The following ADCY5 variants were observed in gnomAD, a reference collection of about 807,000 sequenced individuals.
The protein encoded by ADCY5 is adenylate cyclase 5.
Under a neutral mutation model 119.7 loss-of-function variants are expected in ADCY5, and 30 were observed. The observed-to-expected ratio is 0.25, with a 90% CI of 0.19 to 0.34. The LOEUF (loss-of-function observed/expected upper bound fraction) is 0.34, where lower values mean the gene tolerates loss of function less well. Ranked by LOEUF, ADCY5 falls within the 10% of genes least tolerant of loss-of-function variation. The pLI is 1.00. For synonymous variants in ADCY5, 753 were observed against 762.2 expected, an observed-to-expected ratio of 0.99 and a Z score of 0.20; for missense variants, 1,324 against 1,775.2, an observed-to-expected ratio of 0.75 and a Z score of 4.57.
rs1038313845 is a variant in ADCY5 at position 123,325,422 on chromosome 3, C to T, written c.1988G>A (p.Arg663Lys). ...TGGGTTGTGCCCGATGGAGTTGGTT[C>T]TCTGGCGGTTCATCTTGGCGATCAT... The part of the protein sequence containing the change: ...KAMIAKMNRQ[R>K]TNSIGHNPPH... Residue 663 changes from arginine (R) to lysine (K), a missense_variant, in exon 8 of 21, where the codon AGA (arginine) becomes AAA (lysine). Physicochemically the swap from Arg to Lys is conservative, Grantham distance 26. Around this residue, in one of 6 missense-constraint regions of ADCY5, gnomAD observed 424 missense variants for 546.8 expected, o/e 0.78. Transcript: ENST00000462833. 6.2e-7 allele frequency: 1 copy of T among 1,614,200 alleles called. No homozygotes were observed. The highest frequency in any genetic ancestry group is 1.3e-5 in the African/African-American group (1 of 75,066).
chr3:123,330,380 G>C (rs1376053843), intron 5 of ADCY5, among the ~76,000 whole-genome samples: 1 of 152,236 alleles, frequency 6.6e-6, no homozygotes, highest in Admixed American at 6.5e-5. Context: ...TGGCCAAAGT[G>C]CCTTTTTGCT....
chr3:123,367,990 T>C, intron 1 of ADCY5: 9 of 1,514,156 alleles, frequency 5.9e-6, no homozygotes, highest in Non-Finnish European at 7.9e-6. Context: ...GGCTGCCCTG[T>C]GGGGATGGAG....
chr3:123,410,341 TC>T (rs1390059068), intron 1 of ADCY5, among the ~76,000 whole-genome samples: 1 of 145,654 alleles, frequency 6.9e-6, no homozygotes, highest in Admixed American at 6.8e-5. Flanking sequence ...CCAACCCTTA[TC>T]CCCCAATTCC....
chr3:123,426,044 G>A (rs1442625239), intron 1 of ADCY5, among the ~76,000 whole-genome samples: 1 of 152,186 alleles, frequency 6.6e-6, no homozygotes, highest in African/African-American at 2.4e-5. Context: ...GTCATTTATT[G>A]AGGGCTTTGT....
intron 1 of ADCY5, among the ~76,000 whole-genome samples, chr3:123,427,942 G>A (rs544708394): frequency 6.6e-6 from 1 of 152,340 alleles, no homozygotes; most frequent in East Asian, 1.9e-4. Flanking sequence ...TAGGCAAAGA[G>A]AGAACTGATA....
intron 1 of ADCY5, among the ~76,000 whole-genome samples, chr3:123,401,990 C>T (rs1211182051): frequency 1.3e-5 from 2 of 152,190 alleles, no homozygotes; most frequent in Non-Finnish European, 2.9e-5. Flanking sequence ...AGGACAGGGT[C>T]ACATGGACAA....
At chr3:123,297,184 C>G in intron 16 of ADCY5, 169 bp downstream of exon 16, 2 of 1,335,656 alleles carry the variant, frequency 1.5e-6, no homozygotes, top group South Asian at 1.2e-5. Context: ...CCTCTGCCCC[C>G]CGAGGACGCC....
intron 1 of ADCY5, among the ~76,000 whole-genome samples, chr3:123,436,826 G>A (rs114552714): frequency 1.3e-5 from 2 of 152,182 alleles, no homozygotes; most frequent in Non-Finnish European, 2.9e-5. Flanking sequence ...AAATGGAAGA[G>A]AGAGGCCCAA....
At chr3:123,377,153 G>A (rs4467388) in intron 1 of ADCY5, among the ~76,000 whole-genome samples, 65,335 of 152,048 alleles carry the variant, frequency 0.43, 15,859 homozygotes, top group East Asian at 0.7. Flanking sequence ...AACACACATC[G>A]GATCATGTAA....
rs151066990 is a variant in ADCY5, at chr3:123,386,704, C to T, written c.1135-34123G>A. Among the ~76,000 whole-genome samples, 109 of 152,240 alleles carry T rather than the reference C, an allele frequency of 7.2e-4. No individual in the cohort carries two copies. In the East Asian group the frequency reaches 8.7e-3, roughly 12 times the overall value. ...CACCCTCCTTGGGCAGTTTCAAGGA[C>T]GTCCAGGAAACACCCCTGACCAGTC... On this transcript the variant is annotated intron_variant, in intron 1 of 20. Transcript: ENST00000462833.
intron 12 of ADCY5, among the ~76,000 whole-genome samples, chr3:123,308,213 A>G (rs1343783772): frequency 2.0e-5 from 3 of 150,132 alleles, no homozygotes; most frequent in Non-Finnish European, 4.4e-5. Flanking sequence ...TTGTTTTTGT[A>G]TTTTCAGTAC....
At chr3:123,356,617 C>G (rs80042091) in intron 1 of ADCY5, among the ~76,000 whole-genome samples, 2,044 of 152,228 alleles carry the variant, frequency 0.013, 40 homozygotes, top group African/African-American at 0.046. Context: ...ATTTTTAAAA[C>G]AATGAGTACT....
rs1367132303 is a variant in ADCY5 at position 123,286,218 on chromosome 3, C to T, written c.3657+467G>A. Reference sequence around the variant, plus strand: ...GGGGAAAAGGCCTCTGAGTCTGTGGCCAGGGCCCTTGGCTGCTGGGGCTGG... The same window carrying T: ...GGGGAAAAGGCCTCTGAGTCTGTGGTCAGGGCCCTTGGCTGCTGGGGCTGG... On this transcript the variant is annotated intron_variant, in intron 20 of 20. Transcript: ENST00000462833. This position sits in a 1 kb window ranked among gnomAD's most constrained non-coding sequence, Gnocchi z 4.2. Among the ~76,000 whole-genome samples the T allele has an allele frequency of 6.6e-6, 1 of 152,178 alleles. No homozygotes were observed. Among genetic ancestry groups the T allele is most frequent in the Non-Finnish European group, 1.5e-5 (1 of 68,026 alleles).
At position 123,303,088 on chromosome 3, in the gene ADCY5, A is replaced by G. The variant is rs1397747268; in HGVS notation, c.2691T>C (p.Cys897=). The G allele has an allele frequency of 1.2e-6, 2 of 1,613,770 alleles. No homozygotes were observed. ...NYSLGDEQGF[C]GSPWPNCNFP... ...AGTTGCAGTTGGGCCAGGGGCTGCC[A>G]CAGAAGCCCTGCTCATCGCCCAGGC... The change falls in exon 14 of 21, where the codon TGT becomes TGC. Residue 897 remains cysteine, a synonymous_variant. Transcript: ENST00000462833.
At chr3:123,444,530 C>T (rs887137302) in intron 1 of ADCY5, among the ~76,000 whole-genome samples, 1 of 152,092 alleles carries the variant, frequency 6.6e-6, no homozygotes, top group Non-Finnish European at 1.5e-5. Context: ...GAAACACCAT[C>T]CCACCAAGAG....
chr3:123,300,404 A>G (rs1338874714), intron 14 of ADCY5, 109 bp from the exon 15 acceptor site: 2 of 1,248,526 alleles, frequency 1.6e-6, no homozygotes, highest in Non-Finnish European at 2.2e-6. Flanking sequence ...TGGGCTGGGC[A>G]TGTTTCTGCT....
intron 1 of ADCY5, among the ~76,000 whole-genome samples, chr3:123,383,298 A>G (rs1427333092): frequency 6.6e-6 from 1 of 152,150 alleles, no homozygotes; most frequent in African/African-American, 2.4e-5. Flanking sequence ...AAAGGGAGGG[A>G]GGAGGCATCA....
rs575640922 is a variant in ADCY5, at chr3:123,424,608, G to A, written c.1134+22804C>T. ...CTTGGTGGCTGGGGGCATTTCTGAG[G>A]AGGTGGCTGCCTCCTACCACCCTTA... On this transcript the variant is annotated intron_variant, in intron 1 of 20. Transcript: ENST00000462833. Among the ~76,000 whole-genome samples the A allele has an allele frequency of 1.0e-3, 154 of 152,312 alleles. 3 individuals carry two copies. The South Asian group carries it at 0.028, about 28-fold the overall frequency.
intron 1 of ADCY5, among the ~76,000 whole-genome samples, chr3:123,373,906 CAGGAT>C (rs1171350826): frequency 1.3e-5 from 2 of 152,110 alleles, no homozygotes; most frequent in Admixed American, 1.3e-4. Flanking sequence ...CCTATAAAAT[CAGGAT>C]AGGGCTTCCG....
Sources: allele counts gnomAD v4.1 joint callset (sites outside exome capture counted in the v4.1 genomes callset), GRCh38; gene constraint gnomAD v4.1.1; regional missense constraint gnomAD v4.1.1; non-coding constraint Gnocchi (gnomAD v3.1); transcripts MANE v1.5; gene names NCBI Gene and HGNC (gene_info 2026-07-23, HGNC 2026-07-21).